PTPN9: variants seen among roughly 807,000 people sequenced by gnomAD.
PTPN9 encodes protein tyrosine phosphatase non-receptor type 9.
A neutral mutation model predicts 69.8 loss-of-function variants in PTPN9; 26 were observed. The observed-to-expected ratio is 0.37, with a 90% confidence interval of 0.27 to 0.52. PTPN9 has a LOEUF of 0.52. PTPN9 is among the 20% of genes least tolerant of loss of function. The pLI, the probability that PTPN9 is intolerant of heterozygous loss-of-function variation, is 0.91. For synonymous variants in PTPN9, 274 were observed against 272.5 expected (o/e 1.01, Z -0.05); for missense variants, 549 against 740.3 (o/e 0.74, Z 3.00).
intron 6 of PTPN9, 49 bp downstream of exon 6, chr15:75,508,868 T>A (rs1365426464): frequency 7.3e-7 from 1 of 1,368,378 alleles, no homozygotes; most frequent in South Asian, 1.2e-5. Flanking sequence ...TTGGCAGGAA[T>A]TCACTGTATC....
chr15:75,532,356 C>T (rs1189109650), intron 1 of PTPN9, among the ~76,000 whole-genome samples: 3 of 151,594 alleles, frequency 2.0e-5, no homozygotes, highest in East Asian at 1.9e-4. Context: ...GATCCAAGAT[C>T]GTGCCACTGC....
chr15:75,514,100 C>CAAAA (rs71140167), intron 5 of PTPN9, among the ~76,000 whole-genome samples: 1 of 114,922 alleles, frequency 8.7e-6, no homozygotes, highest in African/African-American at 3.1e-5. Flanking sequence ...CACTCTGTCT[C>CAAAA]AAAAAAAAAA....
chr15:75,490,529 G>A (rs1285223173), intron 7 of PTPN9, among the ~76,000 whole-genome samples: 1 of 152,198 alleles, frequency 6.6e-6, no homozygotes, highest in East Asian at 1.9e-4. Flanking sequence ...GGGAGACCAG[G>A]CATGGTGGCT....
At chr15:75,496,497 A>ATTT (rs142240420) in intron 7 of PTPN9, among the ~76,000 whole-genome samples, 11 of 147,638 alleles carry the variant, frequency 7.5e-5, no homozygotes, top group South Asian at 6.4e-4. Flanking sequence ...AGTATTATTA[A>ATTT]CTTTTTTTTT....
chr15:75,466,813 G>A lies in PTPN9; in HGVS notation c.*1956C>T, dbSNP rs1462521446. The A allele has an allele frequency of 2.0e-5, 3 of 152,178 alleles. No homozygotes were observed. The allele number at this position is 152,178 out of a possible 1,614,324, so 9.4% of individuals were successfully genotyped here. ...TCACCTTCCTCATCTATATAGAAAT[G>A]AGAAAGGGGTGCACAGGAGAAGGGA... On this transcript the variant is annotated 3_prime_UTR_variant, in exon 13 of 13. Transcript: ENST00000618819.
intron 8 of PTPN9, among the ~76,000 whole-genome samples, chr15:75,483,794 C>T (rs1429763792): frequency 2.0e-5 from 3 of 152,184 alleles, no homozygotes; most frequent in African/African-American, 7.2e-5. Context: ...CTCATGAAAG[C>T]AGGATGTTGG....
At chr15:75,473,557 T>C in intron 10 of PTPN9, 132 bp downstream of exon 10, 1 of 762,784 alleles carries the variant, frequency 1.3e-6, no homozygotes, top group Non-Finnish European at 2.2e-6. Context: ...CCCTAAGTGC[T>C]GGGATTACAG....
At position 75,517,309 on chromosome 15, in the gene PTPN9, A is replaced by C; in HGVS notation, c.478T>G (p.Tyr160Asp). Residue 160 changes from tyrosine to aspartate, a missense_variant, in exon 5 of 13, where the codon TAT becomes GAT. Around this residue, in one of 3 missense-constraint regions of PTPN9, gnomAD observed 457 missense variants for 661.9 expected, o/e 0.69. Transcript: ENST00000618819. The stretch of plus-strand genomic sequence containing the variant: ...CCAAGATCCAGCTCAAAGTTGGCAT[A>C]ATTAGAACCACACATGTCATAGATA... ...VFIYDMCGSN[Y>D]ANFELDLGKK... The C allele has an allele frequency of 6.2e-7, 1 of 1,614,106 alleles. No homozygotes were observed. Among genetic ancestry groups the C allele is most frequent in the Non-Finnish European group, 8.5e-7 (1 of 1,179,990 alleles).
intron 4 of PTPN9, among the ~76,000 whole-genome samples, chr15:75,518,825 A>G (rs867320224): frequency 1.9e-3 from 291 of 149,446 alleles, no homozygotes; most frequent in African/African-American, 5.6e-3. Flanking sequence ...TCAGGGGAAA[A>G]AAAAAAAAAA....
intron 1 of PTPN9, among the ~76,000 whole-genome samples, chr15:75,566,210 A>G (rs1203756441): frequency 6.6e-6 from 1 of 152,048 alleles, no homozygotes; most frequent in Non-Finnish European, 1.5e-5. Context: ...GAGATCTACC[A>G]AAGGGTCATC....
chr15:75,504,099 G>T (rs1352415636), intron 7 of PTPN9, among the ~76,000 whole-genome samples: 1 of 121,642 alleles, frequency 8.2e-6, no homozygotes, highest in African/African-American at 3.2e-5. Flanking sequence ...CACCCCGCCC[G>T]GACAGCCGCC....
intron 7 of PTPN9, among the ~76,000 whole-genome samples, chr15:75,495,284 A>T (rs1032729631): frequency 6.6e-6 from 1 of 152,164 alleles, no homozygotes; most frequent in African/African-American, 2.4e-5. Context: ...ACCACAGTTT[A>T]GACTAGAATG....
intron 5 of PTPN9, among the ~76,000 whole-genome samples, chr15:75,509,613 G>T (rs113923245): frequency 3.3e-5 from 5 of 152,286 alleles, no homozygotes; most frequent in African/African-American, 1.2e-4. Context: ...CTTGAACCCA[G>T]GAAGCAGAGG....
chr15:75,578,896 T>G lies in PTPN9; in HGVS notation c.-120A>C. ...GCCCGGGGCCGGCTCGCGCATAGTG[T>G]GGCCGGCAGGGCCCGGCGCCTGCAG... On this transcript the variant is annotated 5_prime_UTR_variant, in exon 1 of 13. Transcript: ENST00000618819. 9.7e-6 allele frequency: 6 copies of G among 618,824 alleles called. No homozygotes were observed. Among genetic ancestry groups the G allele is most frequent in the Non-Finnish European group, 6.6e-6 (3 of 451,548 alleles). 38.3% of individuals were successfully genotyped at this position (618,824 alleles called of 1,614,324 possible).
chr15:75,578,210 C>T lies in PTPN9; in HGVS notation c.63+504G>A, dbSNP rs75393192. ...ACCTGCCCAAGTGGGCCTGAGAAAC[C>T]TAAGAGGCTCCTCTGAAAATCTAGG... On this transcript the variant is annotated intron_variant, in intron 1 of 12. Transcript: ENST00000618819. Among the ~76,000 whole-genome samples the T allele has an allele frequency of 9.1e-3, 1,392 of 152,236 alleles. 38 individuals are homozygous for T. Among genetic ancestry groups the T allele is most frequent in the East Asian group, 0.079 (409 of 5,158 alleles).
chr15:75,568,383 T>A (rs182361296), intron 1 of PTPN9, among the ~76,000 whole-genome samples: 1 of 150,942 alleles, frequency 6.6e-6, no homozygotes, highest in Non-Finnish European at 1.5e-5. Flanking sequence ...TGGTGCACGC[T>A]TTTAGTCCCA....
intron 5 of PTPN9, among the ~76,000 whole-genome samples, chr15:75,512,359 A>G (rs1452944888): frequency 6.6e-6 from 1 of 151,822 alleles, no homozygotes; most frequent in Non-Finnish European, 1.5e-5. Context: ...ACACCACCAC[A>G]TGCAGCTAAA....
rs964833219 is a variant in PTPN9, at chr15:75,578,822, G to C, written c.-46C>G. The C allele has an allele frequency of 1.7e-6, 2 of 1,181,700 alleles. No homozygotes were observed. The highest frequency in any genetic ancestry group is 2.1e-6 in the Non-Finnish European group (2 of 951,266). 73.2% of individuals were successfully genotyped at this position (1,181,700 alleles called of 1,614,324 possible). A position where few individuals can be genotyped will look rare whatever the true frequency, so the allele number is the denominator to read the frequency against. On this transcript the variant is annotated 5_prime_UTR_variant, in exon 1 of 13. Coordinates refer to ENST00000618819, the MANE Select transcript of PTPN9 (RefSeq NM_002833.4). The stretch of plus-strand genomic sequence containing the variant: ...GCGGACAAAACTCGCTCGCGAGCGC[G>C]GGAGCCCGGCGCGCTCGGCCTCCGC...
intron 5 of PTPN9, among the ~76,000 whole-genome samples, chr15:75,515,740 G>C (rs1437735672): frequency 2.6e-5 from 4 of 151,224 alleles, no homozygotes; most frequent in African/African-American, 9.7e-5. Flanking sequence ...TCTACCAAAA[G>C]TACAAAAATT....
Sources: gnomAD v4.1 joint callset for allele counts (sites outside exome capture counted in the v4.1 genomes callset) on GRCh38, gnomAD v4.1.1 for gene constraint, gnomAD v4.1.1 regional missense constraint, MANE v1.5 for transcripts, NCBI Gene and HGNC (gene_info 2026-07-23, HGNC 2026-07-21) for gene names.